ARMH4: variants seen among roughly 807,000 people sequenced by gnomAD.
ARMH4 encodes armadillo-like helical domain-containing protein 4.
ARMH4 carries 49 observed loss-of-function variants against 61.9 expected under a neutral mutation model. The ratio of observed to expected loss-of-function variants is 0.79; its 90% confidence interval spans 0.63 to 1.00. The LOEUF (loss-of-function observed/expected upper bound fraction) is 1.00. Ranked by LOEUF, ARMH4 falls within the 50% of genes least tolerant of loss-of-function variation. The pLI, the probability that ARMH4 is intolerant of heterozygous loss-of-function variation, is 0.00. For synonymous variants in ARMH4, 368 were observed against 341.5 expected (o/e 1.08, Z -0.85); for missense variants, 934 against 930.0 (o/e 1.00, Z -0.06).
At chr14:58,107,790 C>T (rs1477092559) in intron 4 of ARMH4, among the ~76,000 whole-genome samples, 1 of 150,288 alleles carries the variant, frequency 6.7e-6, no homozygotes, top group Non-Finnish European at 1.5e-5. Context: ...AAAAAATTAG[C>T]CCATGTGGAA....
chr14:58,021,050 G>T (rs1396688494), intron 5 of ARMH4, among the ~76,000 whole-genome samples: 3 of 152,218 alleles, frequency 2.0e-5, no homozygotes, highest in African/African-American at 4.8e-5. Context: ...TTTTCAGGCT[G>T]TCAGGCAGGA....
intron 5 of ARMH4, among the ~76,000 whole-genome samples, chr14:58,016,089 T>G (rs1209971871): frequency 6.6e-6 from 1 of 152,020 alleles, no homozygotes; most frequent in Non-Finnish European, 1.5e-5. Context: ...GTTAAAATGT[T>G]TTATATGAAG....
In ARMH4 at chr14:58,011,045, A is replaced by G. The variant is rs958142; in HGVS notation, c.2121+1074T>C. Among the ~76,000 whole-genome samples, 1,464 of 152,176 alleles carry G rather than the reference A, an allele frequency of 9.6e-3. 61 individuals carry two copies. Among genetic ancestry groups the G allele is most frequent in the East Asian group, 0.079 (412 of 5,184 alleles). On this transcript the variant is annotated intron_variant, in intron 6 of 7. Coordinates refer to ENST00000267485, the MANE Select transcript of ARMH4 (RefSeq NM_001001872.4). ...CTTCCCCCCAAGTTTTTCTCAGTCC[A>G]TCTGATCCCAGCCCACCTCTCTTCA...
At chr14:58,014,747 AG>A (rs1185242446) in intron 5 of ARMH4, among the ~76,000 whole-genome samples, 1 of 152,156 alleles carries the variant, frequency 6.6e-6, no homozygotes, top group Non-Finnish European at 1.5e-5. Flanking sequence ...CCAGTGAGAA[AG>A]GGGTTAGGCC....
intron 5 of ARMH4, among the ~76,000 whole-genome samples, chr14:58,051,577 C>G (rs936442451): frequency 3.3e-5 from 5 of 152,186 alleles, no homozygotes; most frequent in African/African-American, 1.2e-4. Flanking sequence ...TTCAGAGAAC[C>G]TTTACAGGGT....
intron 5 of ARMH4, among the ~76,000 whole-genome samples, chr14:58,061,747 A>C (rs1884537509): frequency 6.6e-6 from 1 of 152,158 alleles, no homozygotes; most frequent in Non-Finnish European, 1.5e-5. Context: ...AAAGGGAGGC[A>C]GGGCTGCTGC....
chr14:58,110,690 T>C (rs1886326419), intron 4 of ARMH4, among the ~76,000 whole-genome samples: 1 of 152,278 alleles, frequency 6.6e-6, no homozygotes, highest in African/African-American at 2.4e-5. Flanking sequence ...GAATACAGCC[T>C]GCATGATATC....
At position 58,004,093 on chromosome 14, in the gene ARMH4, ATTTT is replaced by A. The variant is rs574771248; in HGVS notation, c.*639_*642del. ...CAGTTTAATGTATTATTTCTAGTGC[ATTTT>A]TTTCCTCGCCAAGAATAAAACGGAA... On this transcript the variant is annotated 3_prime_UTR_variant, in exon 8 of 8. Coordinates refer to ENST00000267485, the MANE Select transcript of ARMH4 (RefSeq NM_001001872.4). 2 of 152,204 alleles carry A rather than the reference ATTTT, an allele frequency of 1.3e-5. No individual in the cohort carries two copies. The highest frequency in any genetic ancestry group is 2.4e-5 in the African/African-American group (1 of 41,454). 9.4% of individuals were successfully genotyped at this position (152,204 alleles called of 1,614,324 possible).
At chr14:58,047,124 C>T (rs1280296485) in intron 5 of ARMH4, among the ~76,000 whole-genome samples, 1 of 152,188 alleles carries the variant, frequency 6.6e-6, no homozygotes, top group East Asian at 1.9e-4. Flanking sequence ...TGCAGCCAGC[C>T]TCAATATCAT....
chr14:58,065,445 G>A (rs766410369), intron 5 of ARMH4, among the ~76,000 whole-genome samples: 5 of 152,168 alleles, frequency 3.3e-5, no homozygotes, highest in Non-Finnish European at 5.9e-5. Flanking sequence ...AACACAAATG[G>A]TGAGTCTTTG....
chr14:58,007,743 T>C (rs1882232303), intron 6 of ARMH4, among the ~76,000 whole-genome samples: 1 of 152,360 alleles, frequency 6.6e-6, no homozygotes, highest in South Asian at 2.1e-4. Flanking sequence ...TAGTACTTTT[T>C]CTCTGTCCAA....
At chr14:58,064,818 T>C (rs1042876423) in intron 5 of ARMH4, among the ~76,000 whole-genome samples, 2 of 152,208 alleles carry the variant, frequency 1.3e-5, no homozygotes, top group South Asian at 2.1e-4. Flanking sequence ...AAGTATGTTG[T>C]CAGCCAGAGT....
chr14:58,120,611 T>G (rs997971052), intron 4 of ARMH4, among the ~76,000 whole-genome samples: 1 of 152,182 alleles, frequency 6.6e-6, no homozygotes, highest in African/African-American at 2.4e-5. Flanking sequence ...TGTGAGAACA[T>G]GTGCCCAAGG....
chr14:58,141,624 C>T (rs755975158), intron 1 of ARMH4: 7 of 445,988 alleles, frequency 1.6e-5, no homozygotes, highest in Admixed American at 2.7e-5. Context: ...AGAAGAAATG[C>T]GGCCACACCA....
At chr14:58,146,484 C>T (rs1213511471) in intron 1 of ARMH4, among the ~76,000 whole-genome samples, 1 of 152,220 alleles carries the variant, frequency 6.6e-6, no homozygotes, top group Non-Finnish European at 1.5e-5. Flanking sequence ...CAGAGCAGGT[C>T]AGTAGCACTT....
chr14:58,029,746 G>A (rs56236903), intron 5 of ARMH4, among the ~76,000 whole-genome samples: 8,581 of 152,232 alleles, frequency 0.056, 301 homozygotes, highest in African/African-American at 0.087. Flanking sequence ...ACTCTCATAC[G>A]TTGCTGGTGG....
At chr14:58,105,712 A>G (rs1340916315) in intron 4 of ARMH4, among the ~76,000 whole-genome samples, 2 of 152,018 alleles carry the variant, frequency 1.3e-5, no homozygotes, top group Non-Finnish European at 2.9e-5. Context: ...AAAGAAAGAA[A>G]GAAGGAAATA....
intron 5 of ARMH4, among the ~76,000 whole-genome samples, chr14:58,063,888 C>T (rs564892252): frequency 5.7e-4 from 86 of 152,036 alleles, no homozygotes; most frequent in Non-Finnish European, 7.9e-4. Context: ...TTTTAATTGA[C>T]ATTTTTCTTA....
At chr14:58,132,776 G>A (rs1193409212) in intron 3 of ARMH4, among the ~76,000 whole-genome samples, 1 of 151,732 alleles carries the variant, frequency 6.6e-6, no homozygotes, top group Non-Finnish European at 1.5e-5. Context: ...TAGTAGAGAC[G>A]GGGTTTCACC....
Sources: gnomAD v4.1 joint callset for allele counts (sites outside exome capture counted in the v4.1 genomes callset) on GRCh38, gnomAD v4.1.1 for gene constraint, MANE v1.5 for transcripts, NCBI Gene and HGNC (gene_info 2026-07-23, HGNC 2026-07-21) for gene names.